Variants in KHDRBS2 observed in about 807,000 individuals in gnomAD.
The protein encoded by KHDRBS2 is KH RNA binding domain containing, signal transduction associated 2.
In KHDRBS2, 26 loss-of-function variants were observed where a neutral mutation model predicts 44.3. The ratio of observed to expected loss-of-function variants is 0.59; its 90% CI spans 0.43 to 0.81. The LOEUF (loss-of-function observed/expected upper bound fraction) is 0.81, where lower values mean the gene tolerates loss of function less well. Among genes scored for constraint, KHDRBS2 ranks in the 40% least tolerant of loss-of-function variants. The pLI is 0.00. For synonymous variants in KHDRBS2, 194 were observed against 151.1 expected, an observed-to-expected ratio of 1.28 and a Z score of -2.08; for missense variants, 476 against 433.1, an observed-to-expected ratio of 1.10 and a Z score of -0.88.
In KHDRBS2 at chr6:61,901,284, T is replaced by C; in HGVS notation, c.571A>G (p.Arg191Gly). Residue 191 changes from arginine to glycine, a missense_variant, in exon 5 of 9, where the codon AGA (arginine) becomes GGA (glycine). Transcript: ENST00000281156. ...GGAGCTATTCTGATCCCTCTGCCTCTAATACCTCTGCCACGACCAGAGTCC... is the reference window on the plus strand; with the variant it reads ...GGAGCTATTCTGATCCCTCTGCCTCCAATACCTCTGCCACGACCAGAGTCC... ...SEDSGRGRGIRGRGIRIAPTA... is the reference protein window; with the variant it reads ...SEDSGRGRGIGGRGIRIAPTA... 3 of 1,613,664 alleles carry C rather than the reference T, an allele frequency of 1.9e-6. No homozygotes were observed. Among genetic ancestry groups the C allele is most frequent in the Non-Finnish European group, 2.5e-6 (3 of 1,179,616 alleles).
At chr6:62,244,012 C>A in intron 1 of KHDRBS2, among the ~76,000 whole-genome samples, 1 of 151,960 alleles carries the variant, frequency 6.6e-6, no homozygotes, top group East Asian at 1.9e-4. Flanking sequence ...GTGATAAATT[C>A]TATGAATCGT....
intron 4 of KHDRBS2, among the ~76,000 whole-genome samples, chr6:61,967,879 C>T (rs1242691038): frequency 7.1e-6 from 1 of 140,876 alleles, no homozygotes; most frequent in African/African-American, 2.6e-5. Context: ...CACACACATA[C>T]ACACAAACAT....
chr6:61,634,849 G>A, the KHDRBS2 span, among the ~76,000 whole-genome samples: 11 of 151,962 alleles, frequency 7.2e-5, no homozygotes, highest in Admixed American at 7.2e-4. Flanking sequence ...CTTAAAAATT[G>A]CTTTTGATAA....
rs75339724 is a variant in KHDRBS2, at chr6:61,968,743, A to G, written c.483+9323T>C. Among the ~76,000 whole-genome samples, 344 of 152,100 alleles carry G rather than the reference A, an allele frequency of 2.3e-3. 1 individual carries two copies. Among genetic ancestry groups the G allele is most frequent in the African/African-American group, 7.7e-3 (320 of 41,524 alleles). The stretch of plus-strand genomic sequence containing the variant: ...GAAAACTTACAGCATCTGGGCCTGC[A>G]TATTTTGATAATATCCTTGATGAGG... On this transcript the variant is annotated intron_variant, in intron 4 of 8. Coordinates refer to ENST00000281156, the MANE Select transcript of KHDRBS2 (RefSeq NM_152688.4).
chr6:61,747,925 TAA>T (rs570936854), intron 6 of KHDRBS2, among the ~76,000 whole-genome samples: 4 of 152,178 alleles, frequency 2.6e-5, no homozygotes, highest in Admixed American at 6.5e-5. Flanking sequence ...TTGTTATTAA[TAA>T]AAAAGTATTT....
At chr6:62,167,940 T>G (rs1178952372) in intron 2 of KHDRBS2, among the ~76,000 whole-genome samples, 2 of 152,132 alleles carry the variant, frequency 1.3e-5, no homozygotes, top group Non-Finnish European at 2.9e-5. Flanking sequence ...CATCAAGTAC[T>G]TGGACTTGGG....
At chr6:62,165,514 G>A (rs1373863811) in intron 2 of KHDRBS2, among the ~76,000 whole-genome samples, 2 of 151,404 alleles carry the variant, frequency 1.3e-5, no homozygotes, top group African/African-American at 4.8e-5. Flanking sequence ...AAAAATTAGT[G>A]AATTTGTTTA....
intron 1 of KHDRBS2, among the ~76,000 whole-genome samples, chr6:62,283,415 G>A (rs1284712935): frequency 1.3e-5 from 2 of 152,062 alleles, no homozygotes; most frequent in African/African-American, 2.4e-5. Flanking sequence ...ATAAATCATT[G>A]TGAAATCTCA....
chr6:61,633,393 T>C, the KHDRBS2 span, among the ~76,000 whole-genome samples: 2 of 152,106 alleles, frequency 1.3e-5, no homozygotes, highest in African/African-American at 4.8e-5. Context: ...ACTGTGAGGA[T>C]ATTGAACAAT....
chr6:62,235,070 C>CTTTTT (rs10570985), intron 1 of KHDRBS2, among the ~76,000 whole-genome samples: 13 of 106,928 alleles, frequency 1.2e-4, no homozygotes, highest in Non-Finnish European at 1.6e-4. Flanking sequence ...TCCATTTAGG[C>CTTTTT]TTTTTTTTTT....
chr6:61,553,174 C>T, the KHDRBS2 span, among the ~76,000 whole-genome samples: 11 of 152,090 alleles, frequency 7.2e-5, no homozygotes, highest in African/African-American at 9.7e-5. Context: ...GATTCAAATT[C>T]AAATTTTGAA....
intron 4 of KHDRBS2, among the ~76,000 whole-genome samples, chr6:61,944,182 T>A (rs1352238630): frequency 1.3e-5 from 2 of 152,068 alleles, no homozygotes; most frequent in African/African-American, 4.8e-5. Context: ...GGAAAAGGAA[T>A]CATTATATCA....
At chr6:61,617,821 C>T in the KHDRBS2 span, among the ~76,000 whole-genome samples, 3 of 152,114 alleles carry the variant, frequency 2.0e-5, no homozygotes, top group Admixed American at 6.6e-5. Flanking sequence ...TTAATTTCTA[C>T]ACATTCCCTA....
intron 7 of KHDRBS2, among the ~76,000 whole-genome samples, chr6:61,708,146 C>T (rs1769895086): frequency 6.6e-6 from 1 of 151,612 alleles, no homozygotes; most frequent in Admixed American, 6.6e-5. Context: ...GAAATTAGTG[C>T]TCACATGTGT....
chr6:62,152,612 G>A (rs1363928455), intron 2 of KHDRBS2, among the ~76,000 whole-genome samples: 4 of 152,188 alleles, frequency 2.6e-5, no homozygotes, highest in Admixed American at 2.6e-4. Context: ...AGTTGCAGAA[G>A]TAGAATTTGC....
chr6:61,744,045 T>G (rs1013320995), intron 6 of KHDRBS2, among the ~76,000 whole-genome samples: 1 of 152,054 alleles, frequency 6.6e-6, no homozygotes, highest in Non-Finnish European at 1.5e-5. Flanking sequence ...GACATTTAGG[T>G]TGGATCCAAG....
chr6:61,690,901 G>T (rs1021664328), intron 8 of KHDRBS2, among the ~76,000 whole-genome samples: 4 of 151,982 alleles, frequency 2.6e-5, no homozygotes, highest in Non-Finnish European at 5.9e-5. Flanking sequence ...TCAAAAAATG[G>T]ATATTACCAA....
At chr6:62,135,869 A>C (rs1811409779) in intron 2 of KHDRBS2, among the ~76,000 whole-genome samples, 1 of 152,128 alleles carries the variant, frequency 6.6e-6, no homozygotes, top group Non-Finnish European at 1.5e-5. Context: ...AAAAACAAAA[A>C]AAGGACTGTA....
At chr6:61,755,591 C>T (rs2127570445) in intron 6 of KHDRBS2, among the ~76,000 whole-genome samples, 2 of 152,072 alleles carry the variant, frequency 1.3e-5, no homozygotes, top group African/African-American at 4.8e-5. Flanking sequence ...ATGGGCGGGT[C>T]ATGGGGTCAG....
Sources: allele counts gnomAD v4.1 joint callset (sites outside exome capture counted in the v4.1 genomes callset), GRCh38; gene constraint gnomAD v4.1.1; transcripts MANE v1.5; gene names NCBI Gene and HGNC (gene_info 2026-07-23, HGNC 2026-07-21).